The following SLC25A26 variants were observed in gnomAD, a reference collection of about 807,000 sequenced individuals.
The protein encoded by SLC25A26 is solute carrier family 25 member 26, also known as mitochondrial S-adenosylmethionine carrier protein.
A neutral mutation model predicts 37.8 loss-of-function variants in SLC25A26; 36 were observed. The ratio of observed to expected loss-of-function variants is 0.95; its 90% CI spans 0.73 to 1.26. SLC25A26 has a LOEUF of 1.26. SLC25A26 is among the 50% of genes most tolerant of loss of function. SLC25A26 has a pLI of 0.00. For synonymous variants in SLC25A26, 129 were observed against 122.5 expected (o/e 1.05, Z -0.35); for missense variants, 390 against 331.1 (o/e 1.18, Z -1.38).
chr3:66,221,342 G>T (rs983279272), intron 1 of SLC25A26, among the ~76,000 whole-genome samples: 1 of 152,222 alleles, frequency 6.6e-6, no homozygotes, highest in Admixed American at 6.5e-5. Flanking sequence ...AGAGCCAGGT[G>T]GGGGAAGGAA....
chr3:66,137,260 G>A (rs1174792724), intron 1 of SLC25A26, among the ~76,000 whole-genome samples: 2 of 134,586 alleles, frequency 1.5e-5, no homozygotes, highest in African/African-American at 2.8e-5. Context: ...TGCTCTTGTC[G>A]CCCGAGCTGG....
At chr3:66,184,117 C>G (rs183650690) in intron 1 of SLC25A26, among the ~76,000 whole-genome samples, 1 of 152,082 alleles carries the variant, frequency 6.6e-6, no homozygotes, top group Non-Finnish European at 1.5e-5. Flanking sequence ...GACTGAGACC[C>G]TGAATCTGCC....
At chr3:66,320,809 T>G (rs2075673918) in intron 5 of SLC25A26, among the ~76,000 whole-genome samples, 1 of 152,210 alleles carries the variant, frequency 6.6e-6, no homozygotes, top group Non-Finnish European at 1.5e-5. Context: ...AGTTGCATTT[T>G]TAAAAGTACG....
chr3:66,147,351 T>A (rs781514427), intron 1 of SLC25A26, among the ~76,000 whole-genome samples: 1 of 151,366 alleles, frequency 6.6e-6, no homozygotes, highest in Non-Finnish European at 1.5e-5. Flanking sequence ...TTTGTAGAGA[T>A]GGGGTTTTAC....
chr3:66,309,158 G>A (rs1326420924), intron 5 of SLC25A26, among the ~76,000 whole-genome samples: 1 of 152,088 alleles, frequency 6.6e-6, no homozygotes, highest in African/African-American at 2.4e-5. Context: ...CTTTTTGGTT[G>A]GTAGGCTATT....
rs745750530 is a variant in SLC25A26 at position 66,346,353 on chromosome 3, T to TC, written c.454-10dup. ...TGCCTAATTTATTTAATTTTTTTTT[T>TC]CTCTCTTCAGATTCCTTTTTCTTTG... On this transcript the variant is annotated splice_polypyrimidine_tract_variant and intron_variant, in intron 5 of 9. Transcript: ENST00000354883. 3 of 1,466,844 alleles carry TC rather than the reference T, an allele frequency of 2.0e-6. No homozygotes were observed. The highest frequency in any genetic ancestry group is 2.5e-5 in the East Asian group (1 of 39,970). The allele number at this position is 1,466,844 out of a possible 1,614,324, so 90.9% of individuals were successfully genotyped here.
intron 1 of SLC25A26, among the ~76,000 whole-genome samples, chr3:66,160,375 A>G (rs1049152165): frequency 4.6e-5 from 7 of 152,182 alleles, no homozygotes; most frequent in Admixed American, 2.6e-4. Flanking sequence ...CCAAACAGCC[A>G]GTGGGTAAAA....
At chr3:66,296,942 T>A (rs182586816) in intron 5 of SLC25A26, among the ~76,000 whole-genome samples, 53 of 152,328 alleles carry the variant, frequency 3.5e-4, no homozygotes, top group African/African-American at 1.2e-3. Flanking sequence ...TCCAACCTAG[T>A]GTAGGCTGCA....
At chr3:66,210,501 G>T (rs1159802660) in intron 1 of SLC25A26, among the ~76,000 whole-genome samples, 2 of 151,966 alleles carry the variant, frequency 1.3e-5, no homozygotes, top group Non-Finnish European at 2.9e-5. Flanking sequence ...GAGGCTGAAG[G>T]TATGGACAAC....
intron 5 of SLC25A26, among the ~76,000 whole-genome samples, chr3:66,281,229 C>A (rs1259328090): frequency 1.3e-5 from 2 of 151,986 alleles, no homozygotes; most frequent in Non-Finnish European, 1.5e-5. Context: ...TTGAGTTATA[C>A]CAGGAGGCAC....
intron 5 of SLC25A26, among the ~76,000 whole-genome samples, chr3:66,308,119 C>T (rs896696822): frequency 1.3e-4 from 20 of 152,102 alleles, no homozygotes; most frequent in Admixed American, 1.3e-3. Flanking sequence ...GATATTGATT[C>T]TTCCTATCCA....
chr3:66,147,500 C>A (rs1251614707), intron 1 of SLC25A26, among the ~76,000 whole-genome samples: 2 of 151,912 alleles, frequency 1.3e-5, no homozygotes, highest in Admixed American at 6.6e-5. Flanking sequence ...GATGGACACT[C>A]AGGTTGGTTT....
chr3:66,311,994 G>A (rs1038421951), intron 5 of SLC25A26, among the ~76,000 whole-genome samples: 3 of 152,166 alleles, frequency 2.0e-5, no homozygotes, highest in Non-Finnish European at 2.9e-5. Context: ...AGGAGGCAGT[G>A]TGTCCCTTAG....
At chr3:66,224,699 A>G (rs782744936) in intron 1 of SLC25A26, among the ~76,000 whole-genome samples, 3 of 152,340 alleles carry the variant, frequency 2.0e-5, no homozygotes, top group Non-Finnish European at 2.9e-5. Context: ...CATTAATTCA[A>G]AAGTCCACAG....
At position 66,191,504 on chromosome 3, in the gene SLC25A26, G is replaced by A. The variant is rs1373055554; in HGVS notation, c.-353-29238G>A. Among the ~76,000 whole-genome samples, 4 of 152,238 alleles carry A rather than the reference G, an allele frequency of 2.6e-5. No homozygotes were observed. The East Asian group carries it at 5.8e-4, about 22-fold the overall frequency. On this transcript the variant is annotated intron_variant, in intron 1 of 10. Transcript: ENST00000676754. ...TTTCCTGCAGTAAACTAAGATGAATGTAAGAAGAACAACACATATCCATCT... is the reference window on the plus strand; with the variant it reads ...TTTCCTGCAGTAAACTAAGATGAATATAAGAAGAACAACACATATCCATCT...
chr3:66,358,387 T>C (rs1479852150), intron 6 of SLC25A26, among the ~76,000 whole-genome samples: 1 of 152,212 alleles, frequency 6.6e-6, no homozygotes, highest in East Asian at 1.9e-4. Context: ...TTTAGAAAAA[T>C]CATTTCAAAC....
chr3:66,240,178 G>A (rs781964187), intron 2 of SLC25A26, among the ~76,000 whole-genome samples: 9 of 152,168 alleles, frequency 5.9e-5, no homozygotes, highest in Non-Finnish European at 1.3e-4. Context: ...ATTTTAAGTG[G>A]ATACTCCGCA....
In SLC25A26 at chr3:66,342,471, T is replaced by G. The variant is rs368208119; in HGVS notation, c.454-3893T>G. ...AAAATAGAATGTTAGGGCTAAATGATACCTTAGAAATAATATCTTCATATC... is the reference window on the plus strand; with the variant it reads ...AAAATAGAATGTTAGGGCTAAATGAGACCTTAGAAATAATATCTTCATATC... On this transcript the variant is annotated intron_variant, in intron 5 of 9. Transcript: ENST00000354883. 5.3e-5 allele frequency among the ~76,000 whole-genome samples: 8 copies of G among 152,360 alleles called. No individual in the cohort carries two copies. The South Asian group carries it at 1.0e-3, about 20-fold the overall frequency.
At chr3:66,189,317 C>T (rs1315484174) in intron 1 of SLC25A26, among the ~76,000 whole-genome samples, 1 of 150,546 alleles carries the variant, frequency 6.6e-6, no homozygotes, top group Non-Finnish European at 1.5e-5. Flanking sequence ...CCTCACTGAC[C>T]CTGACCCCCA....
Sources: allele counts gnomAD v4.1 joint callset (sites outside exome capture counted in the v4.1 genomes callset), GRCh38; gene constraint gnomAD v4.1.1; transcripts MANE v1.5; gene names NCBI Gene and HGNC (gene_info 2026-07-23, HGNC 2026-07-21).